Variants in PRELID2 observed in about 807,000 individuals in gnomAD.
PRELID2 encodes PRELI domain containing 2.
PRELID2 carries 25 observed loss-of-function variants against 28.4 expected under a neutral mutation model. That is an observed-to-expected ratio of 0.88 (90% CI 0.64 to 1.23). The LOEUF (loss-of-function observed/expected upper bound fraction) is 1.23. Among genes scored for constraint, PRELID2 ranks in the 50% most tolerant of loss-of-function variants. The probability of loss-of-function intolerance (pLI) is 0.00; values close to 1 mark genes in which losing one functional copy is unlikely to be tolerated. For missense variants in PRELID2, 201 were observed against 214.4 expected (o/e 0.94, Z 0.39); for synonymous variants, 76 against 71.6 (o/e 1.06, Z -0.31).
chr5:145,667,816 T>C (rs1184553896), intron 1 of PRELID2, among the ~76,000 whole-genome samples: 3 of 152,120 alleles, frequency 2.0e-5, no homozygotes, highest in African/African-American at 7.2e-5. Flanking sequence ...ATGTTAGCTT[T>C]CTTCCTCCAG....
intron 1 of PRELID2, among the ~76,000 whole-genome samples, chr5:145,678,830 T>C (rs1387109759): frequency 1.3e-5 from 2 of 152,216 alleles, no homozygotes; most frequent in African/African-American, 4.8e-5. Flanking sequence ...AAATTATATG[T>C]AGAAAAGAGC....
chr5:145,380,099 G>A, the PRELID2 span, among the ~76,000 whole-genome samples: 1 of 152,174 alleles, frequency 6.6e-6, no homozygotes, highest in African/African-American at 2.4e-5. Flanking sequence ...CAGCTGCCTT[G>A]CTGCCCCTAC....
intron 1 of PRELID2, among the ~76,000 whole-genome samples, chr5:145,584,074 C>G (rs891221624): frequency 9.9e-5 from 15 of 152,042 alleles, no homozygotes; most frequent in African/African-American, 3.4e-4. Context: ...CAGCATGGTG[C>G]TGGTACAAAA....
At chr5:145,787,507 G>T (rs1219870649) in intron 5 of PRELID2, among the ~76,000 whole-genome samples, 2 of 151,796 alleles carry the variant, frequency 1.3e-5, no homozygotes, top group African/African-American at 4.8e-5. Context: ...ATAGTAAATG[G>T]CATGCTGTCT....
intron 1 of PRELID2, among the ~76,000 whole-genome samples, chr5:145,563,642 G>A (rs6866539): frequency 0.22 from 33,283 of 152,062 alleles, 5,606 homozygotes; most frequent in African/African-American, 0.48. Context: ...CACTGTCACT[G>A]AAGATTCATT....
intron 3 of PRELID2, among the ~76,000 whole-genome samples, chr5:145,819,136 G>A (rs1277297196): frequency 1.3e-5 from 2 of 152,186 alleles, no homozygotes; most frequent in African/African-American, 4.8e-5. Context: ...ATGTGGAACT[G>A]TGAGTCCATT....
At chr5:145,229,159 A>C in the PRELID2 span, 1 of 970,820 alleles carries the variant, frequency 1.0e-6, no homozygotes, top group African/African-American at 1.6e-5. Context: ...TGTGTGTCCC[A>C]CAGCCCCACA....
chr5:145,273,588 A>G, the PRELID2 span, among the ~76,000 whole-genome samples: 1 of 152,184 alleles, frequency 6.6e-6, no homozygotes, highest in Admixed American at 6.6e-5. Flanking sequence ...AATGCTTTTC[A>G]GCATCCTCTG....
the PRELID2 span, among the ~76,000 whole-genome samples, chr5:145,444,645 GACTA>G: frequency 5.3e-5 from 8 of 151,794 alleles, no homozygotes; most frequent in Admixed American, 4.6e-4. Flanking sequence ...CCCTTTTTTT[GACTA>G]ACTAAGAGAA....
At chr5:145,661,666 TAAAA>T (rs567073073) in intron 1 of PRELID2, among the ~76,000 whole-genome samples, 2,198 of 97,162 alleles carry the variant, frequency 0.023, 70 homozygotes, top group African/African-American at 0.066. Context: ...AACAAGCCAT[TAAAA>T]AAAAAAAAAA....
At position 145,699,848 on chromosome 5, in the gene PRELID2, G is replaced by T. The variant is rs149294102; in HGVS notation, n.70+65083C>A. 2.9e-3 allele frequency among the ~76,000 whole-genome samples: 444 copies of T among 152,248 alleles called. 3 individuals carry two copies. The highest frequency in any genetic ancestry group is 0.01 in the African/African-American group (433 of 41,532). On this transcript the variant is annotated intron_variant and non_coding_transcript_variant, in intron 1 of 2. Coordinates refer to the PRELID2 transcript ENST00000510259. ...ACCATCAATCCTTTGTATTCTTGGGGATTCCAAAAACAGACCCTGGTGTTT... is the reference window on the plus strand; with the variant it reads ...ACCATCAATCCTTTGTATTCTTGGGTATTCCAAAAACAGACCCTGGTGTTT...
the PRELID2 span, among the ~76,000 whole-genome samples, chr5:145,344,583 A>G: frequency 6.6e-6 from 1 of 152,032 alleles, no homozygotes; most frequent in East Asian, 1.9e-4. Context: ...TTAAAAGTGT[A>G]ATTGTTGGAT....
the PRELID2 span, among the ~76,000 whole-genome samples, chr5:145,422,836 G>A: frequency 6.6e-6 from 1 of 151,850 alleles, no homozygotes. Context: ...AGTCTCGATG[G>A]TCTTTACATT....
the PRELID2 span, among the ~76,000 whole-genome samples, chr5:145,454,976 T>C: frequency 6.6e-6 from 1 of 152,190 alleles, no homozygotes; most frequent in Admixed American, 6.5e-5. Context: ...AGAAGCTCTT[T>C]AGTTTAATTA....
At chr5:145,370,270 T>G in the PRELID2 span, among the ~76,000 whole-genome samples, 1 of 152,196 alleles carries the variant, frequency 6.6e-6, no homozygotes, top group Non-Finnish European at 1.5e-5. Flanking sequence ...CATTAAGTTT[T>G]TATCCATCTT....
the PRELID2 span, among the ~76,000 whole-genome samples, chr5:145,322,737 A>C: frequency 6.6e-6 from 1 of 152,184 alleles, no homozygotes; most frequent in Admixed American, 6.5e-5. Flanking sequence ...GAAAGCAAAC[A>C]AAAAGAGCTC....
chr5:145,789,787 C>T (rs1196308837), intron 5 of PRELID2, among the ~76,000 whole-genome samples: 2 of 152,092 alleles, frequency 1.3e-5, no homozygotes, highest in African/African-American at 4.8e-5. Flanking sequence ...ATTCAAACAA[C>T]TCAATTGCAA....
chr5:145,434,346 G>A, the PRELID2 span, among the ~76,000 whole-genome samples: 1 of 152,260 alleles, frequency 6.6e-6, no homozygotes, highest in African/African-American at 2.4e-5. Flanking sequence ...CAGAACACTT[G>A]GGACAAATGA....
chr5:145,791,204 C>T (rs1199654911), intron 5 of PRELID2, among the ~76,000 whole-genome samples: 2 of 152,018 alleles, frequency 1.3e-5, no homozygotes, highest in Admixed American at 6.6e-5. Context: ...TGCAGGGGAA[C>T]TCCCATCACT....
Sources: gnomAD v4.1 joint callset for allele counts (sites outside exome capture counted in the v4.1 genomes callset) on GRCh38, gnomAD v4.1.1 for gene constraint, MANE v1.5 for transcripts, NCBI Gene and HGNC (gene_info 2026-07-23, HGNC 2026-07-21) for gene names.